The following TTF1 variants were observed in gnomAD, a reference collection of about 807,000 sequenced individuals.
TTF1 encodes the protein transcription termination factor, RNA polymerase I.
A neutral mutation model predicts 80.2 loss-of-function variants in TTF1; 64 were observed. The observed-to-expected ratio is 0.80, with a 90% CI of 0.65 to 0.98. The LOEUF (loss-of-function observed/expected upper bound fraction) is 0.98, where lower values mean the gene tolerates loss of function less well. Among genes scored for constraint, TTF1 ranks in the 50% least tolerant of loss-of-function variants. The probability of loss-of-function intolerance (pLI) is 0.00; values close to 1 mark genes in which losing one functional copy is unlikely to be tolerated. For missense variants in TTF1, 1,023 were observed against 1,086.2 expected (o/e 0.94, Z 0.82); for synonymous variants, 372 against 382.7 (o/e 0.97, Z 0.33).
intron 10 of TTF1, among the ~76,000 whole-genome samples, chr9:132,377,191 GCA>G (rs1849197131): frequency 6.8e-6 from 1 of 146,612 alleles, no homozygotes; most frequent in Non-Finnish European, 1.5e-5. Flanking sequence ...GTGAGTGCAT[GCA>G]TGTGGTGTGA....
chr9:132,390,928 T>G (rs895425377), intron 6 of TTF1, 97 bp from the exon 7 acceptor site: 3 of 1,093,860 alleles, frequency 2.7e-6, no homozygotes, highest in Admixed American at 4.6e-5. Flanking sequence ...TTTCAGAAAA[T>G]AATGTGCATC....
Position 132,402,376 on chromosome 9 carries a change from G to A in TTF1, c.446C>T (p.Ala149Val), listed in dbSNP as rs1849783408. The A allele has an allele frequency of 6.2e-7, 1 of 1,613,974 alleles. No individual in the cohort carries two copies. Among genetic ancestry groups the A allele is most frequent in the South Asian group, 1.1e-5 (1 of 91,082 alleles). Reference protein sequence around the residue: ...KPKTDKFQVLAKSHAHKSEAL... With the variant: ...KPKTDKFQVLVKSHAHKSEAL... ...TTCTGATTTATGTGCATGTGACTTA[G>A]CAAGTACCTGAAATTTGTCTGTTTT... The change falls in exon 2 of 11, where the codon GCT becomes GTT. Residue 149 changes from alanine to valine, a missense_variant. By Grantham distance (64) the Ala-to-Val change is moderately conservative. Transcript: ENST00000334270.
At chr9:132,376,286 G>A in intron 10 of TTF1, 118 bp from the exon 11 acceptor site, 1 of 1,151,754 alleles carries the variant, frequency 8.7e-7, no homozygotes, top group Middle Eastern at 2.9e-4. Flanking sequence ...CTGTGTGTAA[G>A]GTCTGGTTCC....
chr9:132,404,996 C>T (rs1468097687), intron 1 of TTF1, among the ~76,000 whole-genome samples: 6 of 151,818 alleles, frequency 4.0e-5, no homozygotes, highest in African/African-American at 1.5e-4. Context: ...CGCCATTCTC[C>T]TGCCTCAGCC....
In TTF1 at chr9:132,390,647, T is replaced by TAAAG. The variant is rs769123167; in HGVS notation, c.2171_2172insCTTT (p.Glu724AspfsTer6). Reference sequence around the variant, plus strand: ...TTCTGGTTTGCACTTTAGCTTCTACTTCTACCCAAGATATGCCCTTGTAGA... The same window carrying TAAAG: ...TTCTGGTTTGCACTTTAGCTTCTACTAAAGTCTACCCAAGATATGCCCTTGTAGA... On this transcript the variant is annotated frameshift_variant, in exon 7 of 11. Coordinates refer to ENST00000334270, the MANE Select transcript of TTF1 (RefSeq NM_007344.4). LOFTEE classifies it high-confidence loss of function. 3 of 1,614,252 alleles carry TAAAG rather than the reference T, an allele frequency of 1.9e-6. No homozygotes were observed. The highest frequency in any genetic ancestry group is 1.1e-5 in the South Asian group (1 of 91,082).
In TTF1 at chr9:132,377,430, GGTGTGAGTGCATGCATGTGGTGT is replaced by G. The variant is rs1324540674; in HGVS notation, c.2465-1285_2465-1263del. Among the ~76,000 whole-genome samples the G allele has an allele frequency of 5.3e-4, 43 of 81,166 alleles. 1 individual carries two copies. Among genetic ancestry groups the G allele is most frequent in the African/African-American group, 1.8e-3 (34 of 18,788 alleles). 53.2% of individuals were successfully genotyped at this position (81,166 alleles called of 152,430 possible). A position where few individuals can be genotyped will look rare whatever the true frequency, so the allele number is the denominator to read the frequency against. On this transcript the variant is annotated intron_variant, in intron 10 of 10. Transcript: ENST00000334270. ...GTGGTGTGTGTGAGTGCATGCATGT[GGTGTGAGTGCATGCATGTGGTGT>G]GTGTGAGTGCATGTGGTGTGTGTGA...
intron 3 of TTF1, among the ~76,000 whole-genome samples, chr9:132,399,776 T>G (rs1184179309): frequency 6.6e-6 from 1 of 152,198 alleles, no homozygotes; most frequent in Admixed American, 6.5e-5. Context: ...CCTTCTCTTC[T>G]TAGTGGGAAT....
Position 132,387,688 on chromosome 9 carries a change from A to G in TTF1, c.2312+451T>C, listed in dbSNP as rs115272802. On this transcript the variant is annotated intron_variant, in intron 8 of 10. Coordinates refer to ENST00000334270, the MANE Select transcript of TTF1 (RefSeq NM_007344.4). ...GTCTCCCTTTTCCTCGTCACCCTTC[A>G]ACACTTTAGGGGGGACCCTGCATGG... Among the ~76,000 whole-genome samples the G allele has an allele frequency of 8.0e-3, 1,222 of 152,118 alleles. 14 individuals carry two copies. Among genetic ancestry groups the G allele is most frequent in the African/African-American group, 0.028 (1,151 of 41,514 alleles).
chr9:132,382,761 C>CAAAAAAAAAAAAA (rs55904518), intron 9 of TTF1, among the ~76,000 whole-genome samples: 2 of 136,936 alleles, frequency 1.5e-5, no homozygotes, highest in Admixed American at 7.3e-5. Context: ...ACTAAAAATA[C>CAAAAAAAAAAAAA]AAAAAAAAAA....
chr9:132,381,472 GAATC>G (rs1300902811), intron 9 of TTF1, among the ~76,000 whole-genome samples: 1 of 152,226 alleles, frequency 6.6e-6, no homozygotes, highest in Non-Finnish European at 1.5e-5. Flanking sequence ...TTACAGGCGT[GAATC>G]ACCACGCCCG....
In TTF1 at chr9:132,388,194, G is replaced by T; in HGVS notation, c.2257C>A (p.Arg753=). The part of the protein sequence containing the change: ...EILTKRMTNG[R]RIYYGMNALR... ...GCATTCATGCCATAGTAGATACGCC[G>T]ACCATTAGTCATCCTCTTGGTTAGA... The change falls in exon 8 of 11, where the codon CGG becomes AGG. Residue 753 remains arginine (R), a synonymous_variant. Coordinates refer to ENST00000334270, the MANE Select transcript of TTF1 (RefSeq NM_007344.4). 1 of 1,610,876 alleles carries T rather than the reference G, an allele frequency of 6.2e-7. No individual in the cohort carries two copies. The highest frequency in any genetic ancestry group is 1.1e-5 in the South Asian group (1 of 90,792).
intron 9 of TTF1, among the ~76,000 whole-genome samples, chr9:132,386,243 G>A (rs1363320629): frequency 1.3e-5 from 2 of 152,066 alleles, no homozygotes; most frequent in African/African-American, 4.8e-5. Context: ...AACACCTGAG[G>A]CGTGATGATC....
chr9:132,390,910 C>G, intron 6 of TTF1, 79 bp from the exon 7 acceptor site: 1 of 1,365,688 alleles, frequency 7.3e-7, no homozygotes, highest in South Asian at 1.3e-5. Flanking sequence ...AATGATAAAT[C>G]GGGTACTTTT....
intron 4 of TTF1, among the ~76,000 whole-genome samples, chr9:132,397,375 TA>T (rs1849670994): frequency 6.6e-6 from 1 of 152,208 alleles, no homozygotes; most frequent in African/African-American, 2.4e-5. Context: ...TTATCCTCTT[TA>T]AATTCAAGAG....
chr9:132,390,268 C>T (rs1849537285), intron 7 of TTF1, among the ~76,000 whole-genome samples: 1 of 152,248 alleles, frequency 6.6e-6, no homozygotes, highest in African/African-American at 2.4e-5. Context: ...GCATGAGCCA[C>T]TGCGCGTGGC....
chr9:132,390,889 A>G, intron 6 of TTF1, 58 bp from the exon 7 acceptor site: 24 of 1,479,508 alleles, frequency 1.6e-5, no homozygotes, highest in Non-Finnish European at 2.2e-5. Context: ...CAAACACAAT[A>G]TTAAAAATGA....
In TTF1 at chr9:132,401,899, T is replaced by C. The variant is rs1250367102; in HGVS notation, c.923A>G (p.Gln308Arg). Residue 308 changes from glutamine (Q) to arginine (R), a missense_variant, in exon 2 of 11, where the codon CAG becomes CGG. Coordinates refer to ENST00000334270, the MANE Select transcript of TTF1 (RefSeq NM_007344.4). ...CAGGCCCACAGCAGGCCGGGATTCC[T>C]GCATATCAGCCCCAACCTCACTGCC... is the stretch of plus-strand genomic sequence containing the variant. Reference protein sequence around the residue: ...QVGSEVGADMQESRPAVGLHG... With the variant: ...QVGSEVGADMRESRPAVGLHG... 6.2e-7 allele frequency: 1 copy of C among 1,610,610 alleles called. No individual in the cohort carries two copies. Among genetic ancestry groups the C allele is most frequent in the Non-Finnish European group, 8.5e-7 (1 of 1,178,722 alleles).
intron 1 of TTF1, among the ~76,000 whole-genome samples, chr9:132,405,020 G>T (rs913354800): frequency 2.0e-5 from 3 of 147,190 alleles, no homozygotes; most frequent in Non-Finnish European, 4.5e-5. Context: ...CGAGTAGCTG[G>T]GACTACAGGT....
chr9:132,376,993 C>G (rs556405004), intron 10 of TTF1, among the ~76,000 whole-genome samples: 18 of 152,280 alleles, frequency 1.2e-4, no homozygotes, highest in Admixed American at 3.9e-4. Flanking sequence ...GTGTTTTTAA[C>G]AAGTTCCTCA....
Sources: allele counts gnomAD v4.1 joint callset (sites outside exome capture counted in the v4.1 genomes callset), GRCh38; gene constraint gnomAD v4.1.1; transcripts MANE v1.5; gene names NCBI Gene and HGNC (gene_info 2026-07-23, HGNC 2026-07-21).